The following FAT3 variants were observed in gnomAD, a reference collection of about 807,000 sequenced individuals.
FAT3 encodes FAT atypical cadherin 3.
In FAT3, 95 loss-of-function variants were observed where a neutral mutation model predicts 310.2. The observed-to-expected ratio is 0.31, with a 90% CI of 0.26 to 0.36. The LOEUF (loss-of-function observed/expected upper bound fraction) is 0.36, where lower values mean the gene tolerates loss of function less well. FAT3 is among the 10% of genes least tolerant of loss of function. The pLI is 1.00. For missense variants in FAT3, 5,408 were observed against 5,715.6 expected, an observed-to-expected ratio of 0.95 and a Z score of 1.74; for synonymous variants, 2,314 against 2,192.9, an observed-to-expected ratio of 1.06 and a Z score of -1.54.
At chr11:92,718,061 A>G (rs539627471) in intron 4 of FAT3, among the ~76,000 whole-genome samples, 11 of 152,188 alleles carry the variant, frequency 7.2e-5, no homozygotes, top group South Asian at 2.1e-4. Context: ...CCAGTAGCTT[A>G]TAGTAGAAGT....
At chr11:92,546,838 C>G (rs989439820) in intron 3 of FAT3, among the ~76,000 whole-genome samples, 46 of 152,298 alleles carry the variant, frequency 3.0e-4, no homozygotes, top group African/African-American at 9.6e-4. Context: ...AGAGGCTTCT[C>G]TCCCAATCTA....
chr11:92,381,456 T>G (rs959004812), intron 2 of FAT3, among the ~76,000 whole-genome samples: 1 of 152,174 alleles, frequency 6.6e-6, no homozygotes, highest in African/African-American at 2.4e-5. Context: ...GAGGTTGCAA[T>G]GAGCCAAGAT....
At chr11:92,483,724 A>ATCTC (rs1159960934) in intron 2 of FAT3, among the ~76,000 whole-genome samples, 93 of 96,894 alleles carry the variant, frequency 9.6e-4, no homozygotes, top group Non-Finnish European at 1.3e-3. Flanking sequence ...GTAAGGTACA[A>ATCTC]ACTCTCACTA....
intron 3 of FAT3, among the ~76,000 whole-genome samples, chr11:92,650,118 T>G (rs2135755699): frequency 6.6e-6 from 1 of 152,090 alleles, no homozygotes; most frequent in African/African-American, 2.4e-5. Context: ...ATGCCATTTT[T>G]TTTTTGCCAT....
chr11:92,585,699 G>A (rs1278484488), intron 3 of FAT3, among the ~76,000 whole-genome samples: 1 of 151,984 alleles, frequency 6.6e-6, no homozygotes, highest in Non-Finnish European at 1.5e-5. Flanking sequence ...GCTAATAACA[G>A]TTTCAGGATT....
At chr11:92,245,855 G>A (rs1323830341) in intron 1 of FAT3, among the ~76,000 whole-genome samples, 1 of 152,146 alleles carries the variant, frequency 6.6e-6, no homozygotes, top group Non-Finnish European at 1.5e-5. Context: ...GAACATTCAG[G>A]TTTAAGAAAT....
At chr11:92,569,194 C>G (rs1955583325) in intron 3 of FAT3, among the ~76,000 whole-genome samples, 2 of 152,174 alleles carry the variant, frequency 1.3e-5, no homozygotes, top group South Asian at 2.1e-4. Context: ...CTACTGCATA[C>G]TAGCTCCGTG....
At position 92,801,270 on chromosome 11, in the gene FAT3, G is replaced by A. The variant is rs1294512410; in HGVS notation, c.8257G>A (p.Gly2753Arg). ...TGGGGAACGGCCAGAAAATAACAAAGGGGGCATATTCGTCATAGAACAGGA... is the reference window on the plus strand; with the variant it reads ...TGGGGAACGGCCAGAAAATAACAAAAGGGGCATATTCGTCATAGAACAGGA... Reference protein sequence around the residue: ...VNGERPENNKGGIFVIEQETG... With the variant: ...VNGERPENNKRGIFVIEQETG... The change falls in exon 10 of 28, where the codon GGG (glycine) becomes AGG (arginine). Residue 2753 changes from glycine (G) to arginine (R), a missense_variant. This residue lies in a region of FAT3 where 4,588 missense variants were observed against 4,809.8 expected (regional missense o/e 0.95). Coordinates refer to ENST00000525166, the MANE Select transcript of FAT3 (RefSeq NM_001367949.2). 2 of 1,613,852 alleles carry A rather than the reference G, an allele frequency of 1.2e-6. No homozygotes were observed. The highest frequency in any genetic ancestry group is 3.3e-5 in the Admixed American group (2 of 60,000).
At chr11:92,349,741 G>A (rs147420111) in intron 1 of FAT3, among the ~76,000 whole-genome samples, 1 of 152,280 alleles carries the variant, frequency 6.6e-6, no homozygotes, top group Non-Finnish European at 1.5e-5. Flanking sequence ...CTAAAGAACT[G>A]CATGTGAAAT....
intron 15 of FAT3, among the ~76,000 whole-genome samples, chr11:92,835,890 C>A (rs1160333173): frequency 6.6e-6 from 1 of 152,150 alleles, no homozygotes; most frequent in African/African-American, 2.4e-5. Flanking sequence ...CCGCAAATTA[C>A]ATTTTGGAAC....
intron 1 of FAT3, among the ~76,000 whole-genome samples, chr11:92,312,903 T>C (rs184339941): frequency 1.7e-4 from 26 of 152,300 alleles, no homozygotes; most frequent in African/African-American, 6.0e-4. Context: ...CCTGAAGCTA[T>C]ACGGGCAAAT....
chr11:92,659,416 T>C (rs908694453), intron 3 of FAT3, among the ~76,000 whole-genome samples: 1 of 152,222 alleles, frequency 6.6e-6, no homozygotes, highest in Admixed American at 6.5e-5. Flanking sequence ...CCTAGAAAGC[T>C]GATGGGAAAA....
intron 2 of FAT3, among the ~76,000 whole-genome samples, chr11:92,454,722 G>C (rs1287367067): frequency 6.6e-6 from 1 of 152,126 alleles, no homozygotes; most frequent in Admixed American, 6.6e-5. Context: ...TTATTAAATG[G>C]AACCACTGGA....
At chr11:92,416,128 C>A (rs1384877353) in intron 2 of FAT3, among the ~76,000 whole-genome samples, 1 of 144,394 alleles carries the variant, frequency 6.9e-6, no homozygotes, top group Non-Finnish European at 1.5e-5. Context: ...GTAATCCCAG[C>A]ACTTTGGAAG....
chr11:92,480,658 G>T (rs1260341075), intron 2 of FAT3, among the ~76,000 whole-genome samples: 1 of 152,200 alleles, frequency 6.6e-6, no homozygotes, highest in African/African-American at 2.4e-5. Flanking sequence ...TTTCCTGGGA[G>T]ATCAGAGAGG....
At chr11:92,823,877 A>G (rs1948033079) in intron 13 of FAT3, among the ~76,000 whole-genome samples, 1 of 152,184 alleles carries the variant, frequency 6.6e-6, no homozygotes, top group Admixed American at 6.5e-5. Flanking sequence ...GTAATTGCTA[A>G]TTCCATGGGC....
intron 17 of FAT3, 134 bp from the exon 18 acceptor site, chr11:92,840,428 T>G: frequency 1.3e-6 from 1 of 776,766 alleles, no homozygotes; most frequent in South Asian, 2.2e-5. Flanking sequence ...TCCCTTCTGC[T>G]GAAAGCCCTG....
At chr11:92,567,592 T>C (rs1277416018) in intron 3 of FAT3, among the ~76,000 whole-genome samples, 1 of 151,768 alleles carries the variant, frequency 6.6e-6, no homozygotes, top group African/African-American at 2.4e-5. Flanking sequence ...CACACGTATG[T>C]TTATTGCGGC....
intron 1 of FAT3, among the ~76,000 whole-genome samples, chr11:92,239,672 C>T (rs1261803197): frequency 6.6e-6 from 1 of 152,124 alleles, no homozygotes; most frequent in African/African-American, 2.4e-5. Context: ...TTCCCTATGG[C>T]TGTGCTTGCA....
Sources: gnomAD v4.1 joint callset for allele counts (sites outside exome capture counted in the v4.1 genomes callset) on GRCh38, gnomAD v4.1.1 for gene constraint, gnomAD v4.1.1 regional missense constraint, MANE v1.5 for transcripts, NCBI Gene and HGNC (gene_info 2026-07-23, HGNC 2026-07-21) for gene names.